Variants in COL4A1 observed in about 807,000 individuals in gnomAD.
COL4A1 encodes the protein collagen type IV alpha 1 chain.
In COL4A1, 40 loss-of-function variants were observed where a neutral mutation model predicts 216.6. The observed-to-expected ratio is 0.18, with a 90% CI of 0.14 to 0.24. The LOEUF is 0.24. COL4A1 is among the 10% of genes least tolerant of loss of function. The pLI is 1.00. For synonymous variants in COL4A1, 839 were observed against 810.7 expected (o/e 1.03, Z -0.59); for missense variants, 1,628 against 2,196.8 (o/e 0.74, Z 5.18).
Position 110,149,675 on chromosome 13 carries a change from A to G in COL4A1, c.*688T>C, listed in dbSNP as rs1876410992. ...ATTTTAACAGTGGAAGTTAAACTAAACCTTGATCTGCCTAATTGCTGACAT... is the reference window on the plus strand; with the variant it reads ...ATTTTAACAGTGGAAGTTAAACTAAGCCTTGATCTGCCTAATTGCTGACAT... On this transcript the variant is annotated 3_prime_UTR_variant, in exon 52 of 52. Transcript: ENST00000375820. 1 of 152,486 alleles carries G rather than the reference A, an allele frequency of 6.6e-6. No individual in the cohort carries two copies. Among genetic ancestry groups the G allele is most frequent in the African/African-American group, 2.4e-5 (1 of 41,428 alleles). 9.4% of individuals were successfully genotyped at this position (152,486 alleles called of 1,614,324 possible).
In COL4A1 at chr13:110,179,004, C is replaced by G. The variant is rs769302846; in HGVS notation, c.2377G>C (p.Val793Leu). 1 of 1,611,488 alleles carries G rather than the reference C, an allele frequency of 6.2e-7. No homozygotes were observed. Among genetic ancestry groups the G allele is most frequent in the African/African-American group, 1.3e-5 (1 of 74,840 alleles). The change falls in exon 31 of 52, where the codon GTG (valine) becomes CTG (leucine). Residue 793 changes from valine (V) to leucine (L), a missense_variant. Physicochemically the swap from Val to Leu is conservative, Grantham distance 32. This residue lies in a region of COL4A1 where 701 missense variants were observed against 892.5 expected (regional missense o/e 0.79). Transcript: ENST00000375820. The part of the protein sequence containing the change: ...EPGPPGLPGS[V>L]GSPGVPGIGP... ...ATTCCTGGAACTCCTGGAGACCCCACGGAGCCTGGCAATCCAGGAGGTCCC... is the reference window on the plus strand; with the variant it reads ...ATTCCTGGAACTCCTGGAGACCCCAGGGAGCCTGGCAATCCAGGAGGTCCC...
chr13:110,153,202 C>T (rs530915666), intron 50 of COL4A1, among the ~76,000 whole-genome samples: 6 of 152,226 alleles, frequency 3.9e-5, no homozygotes, highest in East Asian at 3.9e-4. Context: ...ACACAAGGGA[C>T]CTTTGAGGAC....
chr13:110,277,108 C>T (rs758852354), intron 1 of COL4A1, among the ~76,000 whole-genome samples: 11 of 152,224 alleles, frequency 7.2e-5, no homozygotes, highest in Non-Finnish European at 1.2e-4. Context: ...GTACGTTAAT[C>T]GAGCTTAAAT....
At chr13:110,210,446 G>A (rs2139202932) in intron 8 of COL4A1, among the ~76,000 whole-genome samples, 1 of 152,166 alleles carries the variant, frequency 6.6e-6, no homozygotes, top group Middle Eastern at 3.4e-3. Context: ...GGGACTGAAT[G>A]TAGAGACGGC....
chr13:110,179,368 G>T lies in COL4A1; in HGVS notation c.2247C>A (p.Gly749=). Reference sequence around the variant, plus strand: ...CCTTCTCCCCGGGTGTGCCAGGAATGCCGGGAAGACCTGGCAAACCTTTGA... The same window carrying T: ...CCTTCTCCCCGGGTGTGCCAGGAATTCCGGGAAGACCTGGCAAACCTTTGA... ...PGLKGLPGLP[G]IPGTPGEKGS... Residue 749 remains glycine (G), a synonymous_variant, in exon 30 of 52, where the codon GGC becomes GGA. Transcript: ENST00000375820. The T allele has an allele frequency of 6.2e-7, 1 of 1,614,132 alleles. No homozygotes were observed. Among genetic ancestry groups the T allele is most frequent in the Non-Finnish European group, 8.5e-7 (1 of 1,180,026 alleles).
chr13:110,172,875 G>C, intron 40 of COL4A1, 105 bp from the exon 41 acceptor site: 1 of 902,858 alleles, frequency 1.1e-6, no homozygotes, highest in East Asian at 2.4e-5. Flanking sequence ...CGTATATTGT[G>C]GAGTACATAG....
intron 2 of COL4A1, 93 bp from the exon 3 acceptor site, chr13:110,214,108 T>G: frequency 9.6e-7 from 1 of 1,037,272 alleles, no homozygotes; most frequent in Non-Finnish European, 1.5e-6. Context: ...TATATATTTT[T>G]TTTGAGATGG....
intron 43 of COL4A1, 118 bp downstream of exon 43, chr13:110,169,511 C>CACAA: frequency 6.6e-7 from 1 of 1,520,864 alleles, no homozygotes; most frequent in Non-Finnish European, 8.8e-7. Flanking sequence ...CACACACACA[C>CACAA]ACACACACAC....
At chr13:110,304,253 T>C (rs979657355) in intron 1 of COL4A1, among the ~76,000 whole-genome samples, 1 of 152,190 alleles carries the variant, frequency 6.6e-6, no homozygotes, top group South Asian at 2.1e-4. Context: ...ACCAGCCTTC[T>C]CTTCTAAACT....
chr13:110,229,439 C>G (rs998834821), intron 2 of COL4A1, among the ~76,000 whole-genome samples: 1 of 152,158 alleles, frequency 6.6e-6, no homozygotes, highest in Non-Finnish European at 1.5e-5. Flanking sequence ...AAATTTCCAG[C>G]CAATTACACA....
intron 17 of COL4A1, among the ~76,000 whole-genome samples, chr13:110,204,143 C>T (rs982826143): frequency 5.3e-5 from 8 of 152,028 alleles, no homozygotes; most frequent in African/African-American, 1.9e-4. Context: ...TAATCTCATC[C>T]ATAGTAGATG....
intron 43 of COL4A1, 96 bp downstream of exon 43, chr13:110,169,525 CATATATAT>C: frequency 2.4e-5 from 36 of 1,501,354 alleles, no homozygotes; most frequent in Middle Eastern, 1.7e-4. Context: ...CACACACACA[CATATATAT>C]ACATACACAA....
intron 1 of COL4A1, chr13:110,298,686 G>C (rs1884371902): frequency 1.3e-5 from 2 of 152,290 alleles, no homozygotes; most frequent in African/African-American, 4.8e-5. Context: ...GCCGGGCCTG[G>C]AGGAGGTGGG....
At chr13:110,156,500 C>T (rs1876794201) in intron 49 of COL4A1, among the ~76,000 whole-genome samples, 1 of 152,204 alleles carries the variant, frequency 6.6e-6, no homozygotes, top group African/African-American at 2.4e-5. Context: ...AGGCTGTCAG[C>T]ATCCACTGCC....
chr13:110,187,794 A>G (rs1428334272), intron 24 of COL4A1, among the ~76,000 whole-genome samples: 1 of 152,214 alleles, frequency 6.6e-6, no homozygotes, highest in East Asian at 1.9e-4. Flanking sequence ...AGCACGCAGA[A>G]GCCTTTTCTC....
At chr13:110,203,508 G>C in intron 18 of COL4A1, 58 bp downstream of exon 18, 1 of 1,589,668 alleles carries the variant, frequency 6.3e-7, no homozygotes, top group Non-Finnish European at 8.6e-7. Flanking sequence ...ACAGACCCAG[G>C]GTCCTCTCCT....
intron 1 of COL4A1, among the ~76,000 whole-genome samples, chr13:110,250,495 C>T (rs1882024187): frequency 6.6e-6 from 1 of 152,134 alleles, no homozygotes; most frequent in African/African-American, 2.4e-5. Flanking sequence ...CTTTTCTTCC[C>T]TTTTTCCCAC....
At chr13:110,173,152 G>A (rs1877722128) in intron 40 of COL4A1, among the ~76,000 whole-genome samples, 1 of 152,190 alleles carries the variant, frequency 6.6e-6, no homozygotes, top group Admixed American at 6.5e-5. Flanking sequence ...AGCAGATGCT[G>A]GGGAGATGAC....
At position 110,198,666 on chromosome 13, in the gene COL4A1, A is replaced by AC. The variant is rs773029888; in HGVS notation, c.1121-36_1121-35insG. 8.7e-6 allele frequency: 14 copies of AC among 1,612,828 alleles called. No homozygotes were observed. The African/African-American group carries it at 1.7e-4, about 20-fold the overall frequency. On this transcript the variant is annotated intron_variant, in intron 20 of 51. Coordinates refer to ENST00000375820, the MANE Select transcript of COL4A1 (RefSeq NM_001845.6). ...GACAGAAGCTCACATCAGTAACCTC[A>AC]GGGCCACTTAGCAACTACAGCATAA...
Sources: allele counts gnomAD v4.1 joint callset (sites outside exome capture counted in the v4.1 genomes callset), GRCh38; gene constraint gnomAD v4.1.1; regional missense constraint gnomAD v4.1.1; transcripts MANE v1.5; gene names NCBI Gene and HGNC (gene_info 2026-07-23, HGNC 2026-07-21).